HYDIN: variants seen among roughly 807,000 people sequenced by gnomAD.
HYDIN encodes axonemal central pair apparatus protein HYDIN.
HYDIN carries 132 observed loss-of-function variants against 403.9 expected under a neutral mutation model. The ratio of observed to expected loss-of-function variants is 0.33; its 90% CI spans 0.28 to 0.38. The LOEUF (loss-of-function observed/expected upper bound fraction) is 0.38, where lower values mean the gene tolerates loss of function less well. Among genes scored for constraint, HYDIN ranks in the 10% least tolerant of loss-of-function variants. The probability of loss-of-function intolerance (pLI) is 1.00; values close to 1 mark genes in which losing one functional copy is unlikely to be tolerated. For missense variants in HYDIN, 2,827 were observed against 5,009.5 expected (o/e 0.56, Z 13.15); for synonymous variants, 1,202 against 1,891.7 (o/e 0.64, Z 9.46).
intron 30 of HYDIN, among the ~76,000 whole-genome samples, chr16:70,976,902 G>A (rs916805736): frequency 6.4e-4 from 97 of 151,948 alleles, no homozygotes; most frequent in African/African-American, 2.2e-3. Context: ...GTGAGGCACA[G>A]GAGGTGAGAG....
chr16:70,918,513 G>A (rs2076906780), intron 46 of HYDIN, 84 bp from the exon 47 acceptor site: 2 of 993,348 alleles, frequency 2.0e-6, no homozygotes, highest in Admixed American at 2.8e-5. Context: ...TATGGCAATT[G>A]TTTAATTGTC....
chr16:71,051,531 A>T (rs1597647886), intron 18 of HYDIN, among the ~76,000 whole-genome samples: 1 of 152,048 alleles, frequency 6.6e-6, no homozygotes, highest in South Asian at 2.1e-4. Flanking sequence ...CTGTAGTCCC[A>T]GCTACTAGGG....
rs569543580 is a variant in HYDIN, at chr16:70,816,372, AGAACCTT to A, written c.14658+1963_14658+1969del. On this transcript the variant is annotated intron_variant, in intron 84 of 85. Transcript: ENST00000393567. ...AAAAGAAGTATTAATCACAAAAATT[AGAACCTT>A]TTTGAACTGAATAAAAAACACTACA... 5.8e-3 allele frequency among the ~76,000 whole-genome samples: 886 copies of A among 151,546 alleles called. 8 individuals carry two copies. Among genetic ancestry groups the A allele is most frequent in the African/African-American group, 0.02 (833 of 41,276 alleles).
chr16:71,176,104 G>C (rs944801164), intron 4 of HYDIN, among the ~76,000 whole-genome samples: 3 of 152,034 alleles, frequency 2.0e-5, no homozygotes, highest in African/African-American at 7.2e-5. Flanking sequence ...AGGAGATCAA[G>C]ACCATCCTGA....
At position 70,804,183 on chromosome 16, in the gene HYDIN, T is replaced by C. The variant is rs2035010436; in HGVS notation, c.*3397A>G. On this transcript the variant is annotated 3_prime_UTR_variant, in exon 86 of 86. Coordinates refer to ENST00000393567, the MANE Select transcript of HYDIN (RefSeq NM_001270974.2). ...AACCAGCCTGGAAGAGGGTTCACAC[T>C]GGGGCAGGATCTGAGCTTGGCTCTT... is the stretch of plus-strand genomic sequence containing the variant. Among the ~76,000 whole-genome samples the C allele has an allele frequency of 6.6e-6, 1 of 152,224 alleles. No homozygotes were observed. Among genetic ancestry groups the C allele is most frequent in the South Asian group, 2.1e-4 (1 of 4,834 alleles).
intron 10 of HYDIN, among the ~76,000 whole-genome samples, chr16:71,102,215 G>T (rs2144411143): frequency 6.6e-6 from 1 of 152,040 alleles, no homozygotes; most frequent in South Asian, 2.1e-4. Context: ...GCAGGAAACA[G>T]AAGGACACAG....
At chr16:70,849,166 CT>C (rs2038438555) in intron 75 of HYDIN, among the ~76,000 whole-genome samples, 1 of 152,014 alleles carries the variant, frequency 6.6e-6, no homozygotes, top group Admixed American at 6.6e-5. Context: ...GTTTTCAAGG[CT>C]ACTGCAGAGC....
Position 71,069,364 on chromosome 16 carries a change from G to A in HYDIN, c.1877C>T (p.Ser626Phe). The change falls in exon 14 of 86, where the codon TCT becomes TTT. Residue 626 changes from serine (S) to phenylalanine (F), a missense_variant. Transcript: ENST00000393567. The part of the protein sequence containing the change: ...CEQHVDYKRP[S>F]WTKEEISSMK... ...TGAGGATATTTCTTCCTTGGTCCAAGATGGTCTTTTGTAGTCCACATGCTG... is the reference window on the plus strand; with the variant it reads ...TGAGGATATTTCTTCCTTGGTCCAAAATGGTCTTTTGTAGTCCACATGCTG... The A allele has an allele frequency of 6.2e-7, 1 of 1,614,210 alleles. No homozygotes were observed. Among genetic ancestry groups the A allele is most frequent in the Middle Eastern group, 1.6e-4 (1 of 6,062 alleles).
At chr16:71,212,461 G>A (rs2088643702) in intron 1 of HYDIN, among the ~76,000 whole-genome samples, 1 of 152,140 alleles carries the variant, frequency 6.6e-6, no homozygotes, top group Non-Finnish European at 1.5e-5. Context: ...CTTTAGGTAT[G>A]AAATCGTTTA....
chr16:71,192,098 C>A (rs957840527), intron 1 of HYDIN, among the ~76,000 whole-genome samples: 1 of 152,108 alleles, frequency 6.6e-6, no homozygotes, highest in East Asian at 1.9e-4. Context: ...AGTAACCTGC[C>A]CCAGTTCACA....
intron 45 of HYDIN, among the ~76,000 whole-genome samples, chr16:70,931,173 C>T (rs1399208963): frequency 7.7e-4 from 108 of 140,354 alleles, no homozygotes; most frequent in African/African-American, 2.7e-3. Flanking sequence ...TTTTTTTTAA[C>T]GTTTTTTGAA....
At chr16:71,003,162 A>C (rs2079776636) in intron 23 of HYDIN, among the ~76,000 whole-genome samples, 1 of 152,084 alleles carries the variant, frequency 6.6e-6, no homozygotes, top group South Asian at 2.1e-4. Context: ...CACAAATACC[A>C]CACATTAAAC....
In HYDIN at chr16:71,184,698, A is replaced by C. The variant is rs187786774; in HGVS notation, c.261+167T>G. On this transcript the variant is annotated intron_variant, in intron 3 of 85. Coordinates refer to ENST00000393567, the MANE Select transcript of HYDIN (RefSeq NM_001270974.2). The stretch of plus-strand genomic sequence containing the variant: ...AAAGAGGTTTGCACTTGCAGTCTTC[A>C]CCATACCAAATCACAGATATGAAGA... Among the ~76,000 whole-genome samples the C allele has an allele frequency of 1.9e-3, 286 of 152,298 alleles. 5 individuals carry two copies. Among genetic ancestry groups the C allele is most frequent in the African/African-American group, 6.5e-3 (270 of 41,572 alleles).
At chr16:71,220,518 A>G (rs1168082668) in intron 1 of HYDIN, among the ~76,000 whole-genome samples, 1 of 152,228 alleles carries the variant, frequency 6.6e-6, no homozygotes, top group Admixed American at 6.5e-5. Context: ...TTCACATAAA[A>G]AGAAAATATT....
intron 36 of HYDIN, among the ~76,000 whole-genome samples, chr16:70,969,597 A>G (rs1315607511): frequency 6.6e-6 from 1 of 152,116 alleles, no homozygotes; most frequent in Non-Finnish European, 1.5e-5. Context: ...AGAAATTTCT[A>G]TCAGCAGGCA....
intron 45 of HYDIN, among the ~76,000 whole-genome samples, chr16:70,928,938 G>T (rs931862589): frequency 1.5e-5 from 2 of 134,826 alleles, no homozygotes; most frequent in African/African-American, 5.6e-5. Context: ...CAAGGACGAT[G>T]GCCAGATGCA....
At chr16:70,932,599 T>G (rs1032751667) in intron 45 of HYDIN, among the ~76,000 whole-genome samples, 2 of 152,192 alleles carry the variant, frequency 1.3e-5, no homozygotes, top group South Asian at 2.1e-4. Flanking sequence ...TTTTTTTTTT[T>G]GTTGGTTTTC....
Position 71,093,803 on chromosome 16 carries a change from A to G in HYDIN, c.1446+14T>C. The G allele has an allele frequency of 6.2e-7, 1 of 1,610,582 alleles. No homozygotes were observed. Among genetic ancestry groups the G allele is most frequent in the South Asian group, 1.1e-5 (1 of 90,200 alleles). On this transcript the variant is annotated intron_variant, in intron 11 of 85. Transcript: ENST00000393567. The stretch of plus-strand genomic sequence containing the variant: ...GTACTGTTTGAAGTATCAACGAACA[A>G]CTCTAGTGCTTACCTCATAACAATG...
In HYDIN at chr16:70,807,508, T is replaced by G; in HGVS notation, c.*72A>C. On this transcript the variant is annotated 3_prime_UTR_variant, in exon 86 of 86. Coordinates refer to ENST00000393567, the MANE Select transcript of HYDIN (RefSeq NM_001270974.2). ...AAAAACAGTTCCTTTAGAATTCTTA[T>G]TGTTTTCTCTATTCTTTTTCAGGCT... 4 of 1,470,884 alleles carry G rather than the reference T, an allele frequency of 2.7e-6. No individual in the cohort carries two copies. Among genetic ancestry groups the G allele is most frequent in the Non-Finnish European group, 3.7e-6 (4 of 1,092,666 alleles). The allele number at this position is 1,470,884 out of a possible 1,614,324, so 91.1% of individuals were successfully genotyped here. A position where few individuals can be genotyped will look rare whatever the true frequency, so the allele number is the denominator to read the frequency against.
Sources: gnomAD v4.1 joint callset for allele counts (sites outside exome capture counted in the v4.1 genomes callset) on GRCh38, gnomAD v4.1.1 for gene constraint, MANE v1.5 for transcripts, NCBI Gene and HGNC (gene_info 2026-07-23, HGNC 2026-07-21) for gene names.